The following ADGRV1 variants were observed in gnomAD, a reference collection of about 807,000 sequenced individuals.
The protein encoded by ADGRV1 is adhesion G protein-coupled receptor V1.
ADGRV1 carries 359 observed loss-of-function variants against 596.2 expected under a neutral mutation model. The ratio of observed to expected loss-of-function variants is 0.60; its 90% CI spans 0.55 to 0.66. The LOEUF (loss-of-function observed/expected upper bound fraction) is 0.66, where lower values mean the gene tolerates loss of function less well. ADGRV1 is among the 30% of genes least tolerant of loss of function. ADGRV1 has a pLI of 0.00. For missense variants in ADGRV1, 7,274 were observed against 7,575.6 expected (o/e 0.96, Z 1.48); for synonymous variants, 2,681 against 2,679.2 (o/e 1.00, Z -0.02).
At chr5:90,849,743 C>G (rs1236622883) in intron 79 of ADGRV1, among the ~76,000 whole-genome samples, 1 of 151,932 alleles carries the variant, frequency 6.6e-6, no homozygotes, top group Non-Finnish European at 1.5e-5. Context: ...ATAGTCAATC[C>G]AGATAGAAAA....
At chr5:90,737,148 A>G (rs1469137230) in intron 50 of ADGRV1, among the ~76,000 whole-genome samples, 3 of 151,606 alleles carry the variant, frequency 2.0e-5, no homozygotes, top group African/African-American at 7.3e-5. Flanking sequence ...TTAGTATATT[A>G]TTTTTATTTT....
chr5:90,646,379 T>C (rs560493662), intron 16 of ADGRV1, among the ~76,000 whole-genome samples: 43 of 151,102 alleles, frequency 2.8e-4, no homozygotes, highest in African/African-American at 1.0e-3. Context: ...TATTATCTTT[T>C]TCCCCCTTTC....
At chr5:90,562,814 G>T (rs1755038521) in intron 1 of ADGRV1, among the ~76,000 whole-genome samples, 1 of 152,198 alleles carries the variant, frequency 6.6e-6, no homozygotes, top group Non-Finnish European at 1.5e-5. Context: ...ATCTCTTTGA[G>T]AGAGACAATA....
intron 55 of ADGRV1, 65 bp downstream of exon 55, chr5:90,755,250 T>C: frequency 9.5e-7 from 1 of 1,053,054 alleles, no homozygotes; most frequent in Non-Finnish European, 1.4e-6. Flanking sequence ...AAAATTGTGA[T>C]GCTCTTGTAA....
chr5:90,919,781 G>A (rs1773708303), intron 83 of ADGRV1, among the ~76,000 whole-genome samples: 2 of 151,992 alleles, frequency 1.3e-5, no homozygotes, highest in Admixed American at 1.3e-4. Context: ...GATCACCTGA[G>A]GTCAGGAGTT....
intron 43 of ADGRV1, among the ~76,000 whole-genome samples, chr5:90,718,689 T>A (rs1235011509): frequency 6.6e-6 from 1 of 151,974 alleles, no homozygotes; most frequent in Non-Finnish European, 1.5e-5. Flanking sequence ...TACATTTAAA[T>A]CTTGAAATAT....
At chr5:90,589,111 A>G (rs1251601644) in intron 1 of ADGRV1, among the ~76,000 whole-genome samples, 2 of 152,244 alleles carry the variant, frequency 1.3e-5, no homozygotes, top group Non-Finnish European at 2.9e-5. Context: ...GAAGGAAAAG[A>G]CAATTATCAT....
At chr5:91,004,142 G>A (rs537393144) in intron 85 of ADGRV1, among the ~76,000 whole-genome samples, 56 of 152,208 alleles carry the variant, frequency 3.7e-4, no homozygotes, top group Non-Finnish European at 6.6e-4. Flanking sequence ...GGGGATGGGG[G>A]AAGGCTACCT....
At chr5:90,859,502 G>A (rs1316888608) in intron 82 of ADGRV1, among the ~76,000 whole-genome samples, 1 of 151,412 alleles carries the variant, frequency 6.6e-6, no homozygotes, top group Admixed American at 6.6e-5. Context: ...GTGTGATCTC[G>A]GCTCATTGCA....
At chr5:90,635,987 G>A (rs1054149884) in intron 10 of ADGRV1, among the ~76,000 whole-genome samples, 7 of 151,844 alleles carry the variant, frequency 4.6e-5, no homozygotes, top group African/African-American at 1.7e-4. Context: ...CATATGCTTG[G>A]GTTGGAGTGA....
intron 43 of ADGRV1, among the ~76,000 whole-genome samples, chr5:90,718,622 TG>T (rs564841185): frequency 6.6e-6 from 1 of 152,092 alleles, no homozygotes; most frequent in Non-Finnish European, 1.5e-5. Context: ...TTCATTGTCA[TG>T]GTTTTTTTTC....
At position 90,666,502 on chromosome 5, in the gene ADGRV1, G is replaced by A. The variant is rs1262232277; in HGVS notation, c.4753-6044G>A. Among the ~76,000 whole-genome samples, 4 of 150,240 alleles carry A rather than the reference G, an allele frequency of 2.7e-5. No individual in the cohort carries two copies. In the East Asian group the frequency reaches 7.9e-4, roughly 30 times the overall value. On this transcript the variant is annotated intron_variant, in intron 21 of 89. Coordinates refer to ENST00000405460, the MANE Select transcript of ADGRV1 (RefSeq NM_032119.4). ...CTCAATCTTTTTATTTTGAGCCTAT[G>A]TGTGTCTCTGCACGTGAGATGGGTT...
intron 83 of ADGRV1, among the ~76,000 whole-genome samples, chr5:90,896,315 G>A (rs560132848): frequency 7.2e-6 from 1 of 138,416 alleles, no homozygotes; most frequent in Admixed American, 7.6e-5. Flanking sequence ...CTGTCTCTGG[G>A]GCTGGAGTGC....
chr5:91,102,788 TA>T (rs1470225460), intron 87 of ADGRV1, among the ~76,000 whole-genome samples: 1 of 152,216 alleles, frequency 6.6e-6, no homozygotes, highest in Non-Finnish European at 1.5e-5. Context: ...TTTGGTTCAC[TA>T]AAACATGACT....
chr5:91,095,756 G>A (rs1468264145), intron 86 of ADGRV1, among the ~76,000 whole-genome samples: 1 of 151,982 alleles, frequency 6.6e-6, no homozygotes, highest in African/African-American at 2.4e-5. Context: ...TGTGCCTACT[G>A]TTGGAAATAG....
chr5:90,674,000 A>G (rs767309693), intron 22 of ADGRV1, 54 bp from the exon 23 acceptor site: 8 of 1,297,446 alleles, frequency 6.2e-6, no homozygotes, highest in African/African-American at 1.5e-5. Context: ...TTCTTCTAGT[A>G]AGTAATTTCT....
chr5:90,936,228 A>G (rs903813473), intron 83 of ADGRV1, among the ~76,000 whole-genome samples: 2 of 152,120 alleles, frequency 1.3e-5, no homozygotes, highest in Non-Finnish European at 1.5e-5. Context: ...TTTAGTTATT[A>G]CTGGATCATT....
intron 83 of ADGRV1, among the ~76,000 whole-genome samples, chr5:90,910,480 A>G (rs911935467): frequency 1.3e-5 from 2 of 152,106 alleles, no homozygotes; most frequent in South Asian, 2.1e-4. Flanking sequence ...TTTCATTTTT[A>G]TACTCAACCT....
At chr5:90,906,891 C>T (rs78940559) in intron 83 of ADGRV1, among the ~76,000 whole-genome samples, 3,085 of 152,100 alleles carry the variant, frequency 0.02, 88 homozygotes, top group African/African-American at 0.068. Flanking sequence ...ACTCATGATC[C>T]GGACATGAAT....
Sources: allele counts gnomAD v4.1 joint callset (sites outside exome capture counted in the v4.1 genomes callset), GRCh38; gene constraint gnomAD v4.1.1; transcripts MANE v1.5; gene names NCBI Gene and HGNC (gene_info 2026-07-23, HGNC 2026-07-21).